The following SPOCK3 variants were observed in gnomAD, a reference collection of about 807,000 sequenced individuals.
SPOCK3 encodes the protein SPARC (osteonectin), cwcv and kazal like domains proteoglycan 3, also known as testican-3.
A neutral mutation model predicts 56.6 loss-of-function variants in SPOCK3; 30 were observed. That is an observed-to-expected ratio of 0.53 (90% CI 0.40 to 0.72). The LOEUF is 0.72. Among genes scored for constraint, SPOCK3 ranks in the 30% least tolerant of loss-of-function variants. The pLI is 0.00. For synonymous variants in SPOCK3, 196 were observed against 183.3 expected (o/e 1.07, Z -0.56); for missense variants, 527 against 530.0 (o/e 0.99, Z 0.06).
chr4:166,883,590 G>A (rs1051568678), intron 6 of SPOCK3, among the ~76,000 whole-genome samples: 1 of 152,202 alleles, frequency 6.6e-6, no homozygotes, highest in East Asian at 1.9e-4. Context: ...TCTCAAACTT[G>A]TGTCTGGTGT....
chr4:166,958,313 C>T (rs1743743239), intron 4 of SPOCK3, among the ~76,000 whole-genome samples: 2 of 152,128 alleles, frequency 1.3e-5, no homozygotes. Context: ...CCTGAGGCCT[C>T]CCCAGAAGCA....
chr4:166,894,229 A>G lies in SPOCK3; in HGVS notation c.475-4985T>C, dbSNP rs1248610956. Among the ~76,000 whole-genome samples, 3 of 152,054 alleles carry G rather than the reference A, an allele frequency of 2.0e-5. No homozygotes were observed. The East Asian group carries it at 5.8e-4, about 29-fold the overall frequency. ...TTGACTTCGAAAAACTTCTTTTTAT[A>G]TCACAAAATGTTATATTAATAATAT... On this transcript the variant is annotated intron_variant, in intron 5 of 10. Transcript: ENST00000357545.
At chr4:166,971,642 A>T (rs1445554134) in intron 4 of SPOCK3, among the ~76,000 whole-genome samples, 1 of 152,148 alleles carries the variant, frequency 6.6e-6, no homozygotes, top group East Asian at 1.9e-4. Flanking sequence ...ATGTGAATCT[A>T]AAAGAAGCTA....
chr4:166,904,448 A>G (rs181308268), intron 5 of SPOCK3, among the ~76,000 whole-genome samples: 131 of 152,206 alleles, frequency 8.6e-4, no homozygotes, highest in Middle Eastern at 6.8e-3. Context: ...AAAAGATTAC[A>G]GAACTCTTCC....
chr4:167,156,291 A>G (rs1004275324), intron 2 of SPOCK3, among the ~76,000 whole-genome samples: 16 of 152,162 alleles, frequency 1.1e-4, no homozygotes, highest in African/African-American at 3.9e-4. Flanking sequence ...TAAGGGTGCA[A>G]TGATGATAAT....
At chr4:166,893,048 A>C (rs370612336) in intron 5 of SPOCK3, among the ~76,000 whole-genome samples, 37 of 152,122 alleles carry the variant, frequency 2.4e-4, no homozygotes, top group East Asian at 2.3e-3. Flanking sequence ...CATTTGAGAC[A>C]ATTTTGTTTG....
rs1437474773 is a variant in SPOCK3, at chr4:166,937,849, C to T, written c.351-25106G>A. On this transcript the variant is annotated intron_variant, in intron 4 of 10. Coordinates refer to ENST00000357545, the MANE Select transcript of SPOCK3 (RefSeq NM_001040159.2). ...GGCGATCTCGGCTCACTGAAAGCTC[C>T]GCCTCCCGGGTTCACGCCATTCTCC... Among the ~76,000 whole-genome samples the T allele has an allele frequency of 6.7e-5, 10 of 149,680 alleles. No homozygotes were observed. The South Asian group carries it at 1.0e-3, about 16-fold the overall frequency.
chr4:166,906,920 A>G (rs578196630), intron 5 of SPOCK3, among the ~76,000 whole-genome samples: 7 of 152,204 alleles, frequency 4.6e-5, no homozygotes, highest in Admixed American at 1.3e-4. Context: ...AACACTGGTC[A>G]AATGACTTAA....
chr4:167,034,335 A>C (rs908611421), intron 3 of SPOCK3, among the ~76,000 whole-genome samples: 2 of 152,016 alleles, frequency 1.3e-5, no homozygotes, highest in Non-Finnish European at 2.9e-5. Context: ...AAAATAACAA[A>C]AAAAAAAGAA....
intron 4 of SPOCK3, among the ~76,000 whole-genome samples, chr4:166,970,676 GA>G (rs1268890458): frequency 1.3e-5 from 2 of 151,600 alleles, no homozygotes; most frequent in African/African-American, 4.9e-5. Context: ...AGTGAACTGA[GA>G]TTGTGCCACT....
At position 166,843,235 on chromosome 4, in the gene SPOCK3, C is replaced by T. The variant is rs1185414884; in HGVS notation, c.589+45895G>A. On this transcript the variant is annotated intron_variant, in intron 6 of 10. Coordinates refer to ENST00000357545, the MANE Select transcript of SPOCK3 (RefSeq NM_001040159.2). ...CTTGGCCAGCCCAGAGGGTGGCTCC[C>T]ACAGGGCAGAGGTGGGCTGAAGGGC... 2.6e-5 allele frequency among the ~76,000 whole-genome samples: 4 copies of T among 152,328 alleles called. No individual in the cohort carries two copies. The East Asian group carries it at 5.8e-4, about 22-fold the overall frequency.
intron 2 of SPOCK3, among the ~76,000 whole-genome samples, chr4:167,101,921 C>T (rs1759688407): frequency 6.6e-6 from 1 of 151,780 alleles, no homozygotes; most frequent in Non-Finnish European, 1.5e-5. Context: ...TGGGGTTTCA[C>T]CATGTTGACC....
intron 7 of SPOCK3, among the ~76,000 whole-genome samples, chr4:166,789,152 G>A (rs1201356518): frequency 2.6e-5 from 4 of 151,978 alleles, no homozygotes; most frequent in South Asian, 2.1e-4. Context: ...AAAACTTGCC[G>A]GGTGCGGTGG....
At chr4:167,019,405 TATATAA>T in intron 3 of SPOCK3, among the ~76,000 whole-genome samples, 1 of 152,078 alleles carries the variant, frequency 6.6e-6, no homozygotes, top group East Asian at 1.9e-4. Context: ...TTACGTATGA[TATATAA>T]ATATATACAG....
At chr4:166,911,957 G>C (rs1038515635) in intron 5 of SPOCK3, among the ~76,000 whole-genome samples, 1 of 152,102 alleles carries the variant, frequency 6.6e-6, no homozygotes, top group Admixed American at 6.6e-5. Context: ...TAGGGTTTCA[G>C]ATAAAAGACA....
chr4:167,166,922 C>G (rs1730014990), intron 2 of SPOCK3, among the ~76,000 whole-genome samples: 1 of 152,072 alleles, frequency 6.6e-6, no homozygotes, highest in African/African-American at 2.4e-5. Flanking sequence ...ACGAATTACA[C>G]TTATAGTGGA....
At chr4:166,858,966 T>C (rs910669275) in intron 6 of SPOCK3, among the ~76,000 whole-genome samples, 2 of 152,194 alleles carry the variant, frequency 1.3e-5, no homozygotes, top group Non-Finnish European at 2.9e-5. Flanking sequence ...CCTAAAATTA[T>C]AGTGGAGCTG....
intron 2 of SPOCK3, among the ~76,000 whole-genome samples, chr4:167,222,528 T>A (rs1580674766): frequency 7.3e-6 from 1 of 137,362 alleles, no homozygotes; most frequent in South Asian, 2.2e-4. Flanking sequence ...ATAACATGTA[T>A]GTTATAGATT....
intron 6 of SPOCK3, among the ~76,000 whole-genome samples, chr4:166,873,524 C>G (rs185155986): frequency 6.6e-6 from 1 of 152,028 alleles, no homozygotes; most frequent in Non-Finnish European, 1.5e-5. Context: ...TATGTTAAAT[C>G]GCTGTACCTT....
Sources: allele counts gnomAD v4.1 joint callset (sites outside exome capture counted in the v4.1 genomes callset), GRCh38; gene constraint gnomAD v4.1.1; transcripts MANE v1.5; gene names NCBI Gene and HGNC (gene_info 2026-07-23, HGNC 2026-07-21).